The following ADGRD2 variants were observed in gnomAD, a reference collection of about 807,000 sequenced individuals.
The protein encoded by ADGRD2 is adhesion G protein-coupled receptor D2.
A neutral mutation model predicts 44.4 loss-of-function variants in ADGRD2; 71 were observed. That is an observed-to-expected ratio of 1.60 (90% confidence interval 1.32 to 1.95). The LOEUF is 1.95. Among genes scored for constraint, ADGRD2 ranks in the 30% most tolerant of loss-of-function variants. The pLI is 0.00. For missense variants in ADGRD2, 1,039 were observed against 512.4 expected, an observed-to-expected ratio of 2.03 and a Z score of -9.92; for synonymous variants, 481 against 224.8, an observed-to-expected ratio of 2.14 and a Z score of -10.19.
At chr9:124,467,903 G>A (rs1378949599) in intron 12 of ADGRD2, 79 bp downstream of exon 15, 3 of 710,590 alleles carry the variant, frequency 4.2e-6, no homozygotes, top group Non-Finnish European at 2.6e-6. Context: ...CATTGGTCGG[G>A]TGTCCATCCT....
chr9:124,475,111 C>A (rs563247768), intron 17 of ADGRD2, among the ~76,000 whole-genome samples: 2 of 152,264 alleles, frequency 1.3e-5, no homozygotes, highest in Admixed American at 6.5e-5. Context: ...GTGCCCCTCC[C>A]AACCCCACCA....
At chr9:124,466,494 G>A in intron 11 of ADGRD2, 81 bp downstream of exon 14, 2 of 595,392 alleles carry the variant, frequency 3.4e-6, no homozygotes, top group East Asian at 2.9e-5. Context: ...GTAGCCAGAA[G>A]AAGCATCTGA....
intron 17 of ADGRD2, among the ~76,000 whole-genome samples, chr9:124,472,326 A>C (rs1831960072): frequency 6.7e-6 from 1 of 148,662 alleles, no homozygotes; most frequent in African/African-American, 2.5e-5. Flanking sequence ...TGCCCTTCTC[A>C]CCCTCTGGCC....
In ADGRD2 at chr9:124,478,017, C is replaced by G. The variant is rs1398000353; in HGVS notation, c.*19-264C>G. Among the ~76,000 whole-genome samples, 9 of 152,200 alleles carry G rather than the reference C, an allele frequency of 5.9e-5. 1 individual carries two copies. Among genetic ancestry groups the G allele is most frequent in the Non-Finnish European group, 1.2e-4 (8 of 68,014 alleles). ...CCCCCGCTTCCAGCCCCGACCCCACCCCGCGGGCCACTCAGCGGCCCGAGC... is the reference window on the plus strand; with the variant it reads ...CCCCCGCTTCCAGCCCCGACCCCACGCCGCGGGCCACTCAGCGGCCCGAGC... On this transcript the variant is annotated intron_variant, in intron 21 of 21. Transcript: ENST00000334810.
At chr9:124,471,596 C>A (rs569105792) in intron 17 of ADGRD2, among the ~76,000 whole-genome samples, 21 of 152,306 alleles carry the variant, frequency 1.4e-4, no homozygotes, top group East Asian at 9.6e-4. Flanking sequence ...TGCCCAAGGC[C>A]CCCCAGGAGG....
At chr9:124,474,055 T>C (rs1165845939) in intron 17 of ADGRD2, among the ~76,000 whole-genome samples, 3 of 151,900 alleles carry the variant, frequency 2.0e-5, no homozygotes, top group South Asian at 2.1e-4. Flanking sequence ...GCGGGTGGAT[T>C]ACCTAAGGTC....
intron 3 of ADGRD2, 89 bp downstream of exon 6, chr9:124,453,765 C>G (rs1238192057): frequency 1.6e-6 from 1 of 639,154 alleles, no homozygotes; most frequent in East Asian, 2.9e-5. Context: ...GCCAACCAAG[C>G]CACGCCTAGC....
At chr9:124,470,528 G>A (rs746644681) in exon 17 of ADGRD2, 32 of 711,076 alleles carry the variant, frequency 4.5e-5, no homozygotes, top group East Asian at 1.3e-4. Flanking sequence ...CCTGCTGCCC[G>A]TCCTAGGCCT....
At chr9:124,452,071 C>T (rs1026588035), upstream of ADGRD2, 1 of 716,306 alleles carries the variant, frequency 1.4e-6, no homozygotes, top group Non-Finnish European at 2.6e-6. Context: ...CCAGCCCCCA[C>T]CTGTCTTCTT....
In ADGRD2 at chr9:124,453,419, AC is replaced by A; in HGVS notation, c.669del (p.Pro224ArgfsTer41). On this transcript the variant is annotated frameshift_variant, in exon 3 of 22. Transcript: ENST00000334810. LOFTEE classifies it high-confidence loss of function. ...GGGGCGCGGGGGCTGGGCGCCGGCCACCCGGTGCCGTCCGGCGGCATCCTGG... is the reference window on the plus strand; with the variant it reads ...GGGGCGCGGGGGCTGGGCGCCGGCCACCGGTGCCGTCCGGCGGCATCCTGG... The A allele has an allele frequency of 1.6e-6, 1 of 634,868 alleles. No homozygotes were observed. The highest frequency in any genetic ancestry group is 2.8e-6 in the Non-Finnish European group (1 of 356,356). The allele number at this position is 634,868 out of a possible 1,614,324, so 39.3% of individuals were successfully genotyped here.
chr9:124,454,680 A>G lies in ADGRD2; in HGVS notation c.1108+111A>G. 3.1e-6 allele frequency: 2 copies of G among 650,230 alleles called. No individual in the cohort carries two copies. 40.3% of individuals were successfully genotyped at this position (650,230 alleles called of 1,614,324 possible). On this transcript the variant is annotated intron_variant, in intron 5 of 21. Transcript: ENST00000334810. The surrounding 1 kb of genome is among the most constrained non-coding windows in gnomAD (Gnocchi z 4.5). ...ACCCACCTGGTGTGTCTGCAGGAAT[A>G]AAGGCCATTCAGGCTCCCTATTCTG...
chr9:124,458,545 G>A, intron 9 of ADGRD2, 71 bp from the exon 13 acceptor site: 1 of 695,740 alleles, frequency 1.4e-6, no homozygotes. Context: ...GTAGGGGCCT[G>A]GGTGACATGC....
exon 11 of ADGRD2, chr9:124,466,316 C>G (rs1370022761): frequency 1.4e-6 from 1 of 716,830 alleles, no homozygotes; most frequent in Admixed American, 2.0e-5. Context: ...TGGGCCACCA[C>G]AGGCTGCTCC....
intron 13 of ADGRD2, 146 bp downstream of exon 16, chr9:124,468,336 C>T (rs184225970): frequency 1.5e-5 from 10 of 674,582 alleles, no homozygotes; most frequent in Middle Eastern, 3.2e-4. Flanking sequence ...AGCAGGGCCC[C>T]GGGAGGAAAG....
At chr9:124,474,018 G>A (rs961365631) in intron 17 of ADGRD2, among the ~76,000 whole-genome samples, 8 of 152,126 alleles carry the variant, frequency 5.3e-5, no homozygotes, top group African/African-American at 1.9e-4. Context: ...GCTCACGCCT[G>A]TAATCCCAGC....
rs1475399580 is a variant in ADGRD2, at chr9:124,452,633, AG to A, written c.193del (p.Gln65HisfsTer61). The A allele has an allele frequency of 5.6e-6, 4 of 718,318 alleles. No homozygotes were observed. Among genetic ancestry groups the A allele is most frequent in the Non-Finnish European group, 1.0e-5 (4 of 385,096 alleles). The allele number at this position is 718,318 out of a possible 1,614,324, so 44.5% of individuals were successfully genotyped here. A position where few individuals can be genotyped will look rare whatever the true frequency, so the allele number is the denominator to read the frequency against. The stretch of plus-strand genomic sequence containing the variant: ...CAGCAGTTTGGCCACTTGGCACTGC[AG>A]CCCCCTGATGGGGTTCTTGCTTCAC... On this transcript the variant is annotated frameshift_variant, in exon 2 of 22. Transcript: ENST00000334810. LOFTEE classifies it high-confidence loss of function.
rs2131227259 is a variant in ADGRD2 at position 124,453,986 on chromosome 9, C to T, written c.924-13C>T. The T allele has an allele frequency of 1.5e-6, 1 of 670,148 alleles. No individual in the cohort carries two copies. The highest frequency in any genetic ancestry group is 2.4e-5 in the Admixed American group (1 of 41,478). 41.5% of individuals were successfully genotyped at this position (670,148 alleles called of 1,614,324 possible). A position where few individuals can be genotyped will look rare whatever the true frequency, so the allele number is the denominator to read the frequency against. ...CCCCTAGGGAGCCCTGACAGCTCCC[C>T]TGCCCCTGCCAGTGCCCTCCGAGGA... On this transcript the variant is annotated splice_polypyrimidine_tract_variant and intron_variant, in intron 3 of 21. Coordinates refer to ENST00000334810, the Ensembl canonical transcript of ADGRD2.
chr9:124,454,348 A>T lies in ADGRD2; in HGVS notation c.1023-136A>T. ...TTTCCCCATCTAGAACACCGTGTGT[A>T]AGACTCTGGACACACAGCCATCAAG... On this transcript the variant is annotated intron_variant, in intron 4 of 21. Transcript: ENST00000334810. This position sits in a 1 kb window ranked among gnomAD's most constrained non-coding sequence, Gnocchi z 4.5. The T allele has an allele frequency of 1.6e-6, 1 of 611,808 alleles. No individual in the cohort carries two copies. Among genetic ancestry groups the T allele is most frequent in the Non-Finnish European group, 3.0e-6 (1 of 337,040 alleles). The allele number at this position is 611,808 out of a possible 1,614,324, so 37.9% of individuals were successfully genotyped here.
intron 17 of ADGRD2, among the ~76,000 whole-genome samples, chr9:124,471,521 A>G (rs1831944649): frequency 6.6e-6 from 1 of 152,204 alleles, no homozygotes; most frequent in South Asian, 2.1e-4. Context: ...GCCCCAGGCC[A>G]GGCTCCTATT....
Sources: gnomAD v4.1 joint callset for allele counts (sites outside exome capture counted in the v4.1 genomes callset) on GRCh38, gnomAD v4.1.1 for gene constraint, Gnocchi (gnomAD v3.1) non-coding constraint, MANE v1.5 for transcripts, NCBI Gene and HGNC (gene_info 2026-07-23, HGNC 2026-07-21) for gene names.